Variants in MCTP1 observed in about 807,000 individuals in gnomAD.
MCTP1 encodes multiple C2 and transmembrane domain-containing protein 1.
Under a neutral mutation model 120.6 loss-of-function variants are expected in MCTP1, and 69 were observed. The observed-to-expected ratio is 0.57, with a 90% confidence interval of 0.47 to 0.70. The LOEUF is 0.70. MCTP1 is among the 30% of genes least tolerant of loss of function. The pLI, the probability that MCTP1 is intolerant of heterozygous loss-of-function variation, is 0.00. For missense variants in MCTP1, 1,203 were observed against 1,248.8 expected, an observed-to-expected ratio of 0.96 and a Z score of 0.55; for synonymous variants, 529 against 493.1, an observed-to-expected ratio of 1.07 and a Z score of -0.96.
At chr5:95,012,966 G>T (rs889763997) in intron 2 of MCTP1, among the ~76,000 whole-genome samples, 2 of 152,160 alleles carry the variant, frequency 1.3e-5, no homozygotes, top group Non-Finnish European at 2.9e-5. Context: ...CAGGCTGAAA[G>T]CTAGGCCTCT....
chr5:95,029,763 G>A (rs906849616), intron 1 of MCTP1, among the ~76,000 whole-genome samples: 12 of 152,128 alleles, frequency 7.9e-5, no homozygotes, highest in African/African-American at 1.2e-4. Flanking sequence ...CTTGGTGGCC[G>A]GTTTGCACGA....
intron 17 of MCTP1, among the ~76,000 whole-genome samples, chr5:94,838,062 G>A (rs1490602104): frequency 6.6e-6 from 1 of 152,044 alleles, no homozygotes; most frequent in East Asian, 1.9e-4. Flanking sequence ...ATTTGATTTG[G>A]CTCTTAATTC....
At chr5:95,207,849 AG>A (rs1751799316) in intron 1 of MCTP1, among the ~76,000 whole-genome samples, 1 of 151,916 alleles carries the variant, frequency 6.6e-6, no homozygotes, top group African/African-American at 2.4e-5. Context: ...GAGGAGACCT[AG>A]GGAGAAAGAA....
chr5:94,830,474 A>G (rs2153156369), intron 17 of MCTP1, among the ~76,000 whole-genome samples: 1 of 152,350 alleles, frequency 6.6e-6, no homozygotes, highest in Middle Eastern at 3.4e-3. Flanking sequence ...ACAGAGTAAG[A>G]GATGACACAG....
intron 19 of MCTP1, among the ~76,000 whole-genome samples, chr5:94,773,110 T>A (rs1262274908): frequency 1.3e-5 from 2 of 152,146 alleles, no homozygotes; most frequent in Non-Finnish European, 2.9e-5. Flanking sequence ...AAAGGAGAAA[T>A]GGATCCTTCC....
At chr5:95,219,703 T>G (rs1160803914) in intron 1 of MCTP1, among the ~76,000 whole-genome samples, 2 of 152,206 alleles carry the variant, frequency 1.3e-5, no homozygotes, top group African/African-American at 4.8e-5. Context: ...TAATCTTCAG[T>G]GTCCTGGTGA....
intron 17 of MCTP1, among the ~76,000 whole-genome samples, chr5:94,863,246 T>A (rs1227910359): frequency 1.3e-5 from 2 of 151,826 alleles, no homozygotes. Flanking sequence ...CTTGTTTCTC[T>A]GGTTTTCAGG....
intron 3 of MCTP1, among the ~76,000 whole-genome samples, chr5:94,943,784 GA>G (rs147576702): frequency 6.8e-6 from 1 of 146,812 alleles, no homozygotes; most frequent in Non-Finnish European, 1.5e-5. Flanking sequence ...GTTTACGATG[GA>G]AAAAAAAAAC....
chr5:94,832,164 CT>C (rs1472957453), intron 17 of MCTP1, among the ~76,000 whole-genome samples: 1 of 152,178 alleles, frequency 6.6e-6, no homozygotes, highest in Non-Finnish European at 1.5e-5. Context: ...TCAACAGCTG[CT>C]TTAGGAAAAT....
rs899673579 is a variant in MCTP1 at position 95,008,270 on chromosome 5, A to G, written c.838+9097T>C. ...AAAGAAGGCCGCCCATTTCTGGAAG[A>G]CATGCCTATTCTTCCCCTTGCTTTT... On this transcript the variant is annotated intron_variant, in intron 2 of 22. Transcript: ENST00000515393. Among the ~76,000 whole-genome samples, 64 of 152,184 alleles carry G rather than the reference A, an allele frequency of 4.2e-4. 1 individual carries two copies. Among genetic ancestry groups the G allele is most frequent in the African/African-American group, 2.4e-5 (1 of 41,452 alleles).
intron 19 of MCTP1, among the ~76,000 whole-genome samples, chr5:94,731,407 T>C (rs1485055417): frequency 6.6e-6 from 1 of 152,230 alleles, no homozygotes; most frequent in Non-Finnish European, 1.5e-5. Flanking sequence ...GACTACTGCC[T>C]AGTATGTAGT....
chr5:95,163,415 G>A (rs993077311), intron 1 of MCTP1, among the ~76,000 whole-genome samples: 5 of 152,162 alleles, frequency 3.3e-5, no homozygotes, highest in African/African-American at 9.7e-5. Context: ...TAAAAATTCA[G>A]CCTTTATTAT....
At chr5:94,852,044 ATAAT>A (rs1179852103) in intron 17 of MCTP1, among the ~76,000 whole-genome samples, 3 of 151,948 alleles carry the variant, frequency 2.0e-5, no homozygotes, top group Non-Finnish European at 4.4e-5. Context: ...ATGGTTCTCT[ATAAT>A]TAAATTGTTC....
At chr5:94,971,810 A>G (rs796096965) in intron 2 of MCTP1, among the ~76,000 whole-genome samples, 9 of 152,232 alleles carry the variant, frequency 5.9e-5, no homozygotes, top group African/African-American at 2.2e-4. Context: ...ATAAACTTCT[A>G]TTACATTTGA....
chr5:94,936,470 A>T (rs1816227176), intron 5 of MCTP1, among the ~76,000 whole-genome samples: 1 of 152,064 alleles, frequency 6.6e-6, no homozygotes, highest in African/African-American at 2.4e-5. Flanking sequence ...GAGGGAACAT[A>T]CATTGCTTGT....
At chr5:94,837,680 C>G (rs966707243) in intron 17 of MCTP1, among the ~76,000 whole-genome samples, 6 of 152,134 alleles carry the variant, frequency 3.9e-5, no homozygotes, top group Non-Finnish European at 7.3e-5. Context: ...CTTCAAGTAT[C>G]TTTCATGTCA....
intron 1 of MCTP1, among the ~76,000 whole-genome samples, chr5:95,022,686 C>G (rs375488412): frequency 6.6e-6 from 1 of 152,302 alleles, no homozygotes; most frequent in Admixed American, 6.5e-5. Context: ...TTCTCCTACA[C>G]TCATGTAATG....
intron 1 of MCTP1, among the ~76,000 whole-genome samples, chr5:95,228,943 A>G (rs1754612375): frequency 6.6e-6 from 1 of 152,198 alleles, no homozygotes; most frequent in African/African-American, 2.4e-5. Flanking sequence ...AAGAACTGTG[A>G]GCCAATTAAG....
At chr5:94,960,828 T>C (rs1041725801) in intron 2 of MCTP1, among the ~76,000 whole-genome samples, 1 of 152,056 alleles carries the variant, frequency 6.6e-6, no homozygotes, top group Non-Finnish European at 1.5e-5. Context: ...TTGGTGGGAG[T>C]GTAAATTAGT....
Sources: allele counts gnomAD v4.1 joint callset (sites outside exome capture counted in the v4.1 genomes callset), GRCh38; gene constraint gnomAD v4.1.1; transcripts MANE v1.5; gene names NCBI Gene and HGNC (gene_info 2026-07-23, HGNC 2026-07-21).